Variants in SEPTIN12 observed in about 807,000 individuals in gnomAD.
SEPTIN12 encodes septin 12, also known as septin-12.
In SEPTIN12, 42 loss-of-function variants were observed where a neutral mutation model predicts 37.7. The observed-to-expected ratio is 1.11, with a 90% CI of 0.87 to 1.44. The LOEUF (loss-of-function observed/expected upper bound fraction) is 1.44. SEPTIN12 is among the 40% of genes most tolerant of loss of function. The pLI, the probability that SEPTIN12 is intolerant of heterozygous loss-of-function variation, is 0.00. For missense variants in SEPTIN12, 613 were observed against 479.2 expected (o/e 1.28, Z -2.61); for synonymous variants, 254 against 196.7 (o/e 1.29, Z -2.44).
chr16:4,786,005 C>T lies in SEPTIN12; in HGVS notation c.267G>A (p.Thr89=), dbSNP rs775778673. The change falls in exon 3 of 10, where the codon ACG becomes ACA. Residue 89 remains threonine (T), a synonymous_variant. Transcript: ENST00000268231. The part of the protein sequence containing the change: ...PPGLGVPTPQ[T]LQLHSLTHVI... ...CATGGGTCAGTGAATGCAGCTGCAGCGTCTGGGGTGTGGGCACCCCCAAGC... is the reference window on the plus strand; with the variant it reads ...CATGGGTCAGTGAATGCAGCTGCAGTGTCTGGGGTGTGGGCACCCCCAAGC... 1.4e-5 allele frequency: 23 copies of T among 1,613,336 alleles called. No individual in the cohort carries two copies. The highest frequency in any genetic ancestry group is 1.2e-4 in the African/African-American group (9 of 74,822).
intron 4 of SEPTIN12, among the ~76,000 whole-genome samples, chr16:4,784,769 CTAAATAAA>C (rs55943515): frequency 0.014 from 1,916 of 136,264 alleles, 48 homozygotes; most frequent in Admixed American, 0.084. Context: ...GACACTGTCT[CTAAATAAA>C]TAAATAAATA....
intron 1 of SEPTIN12, chr16:4,787,949 TC>T: frequency 3.2e-6 from 1 of 311,728 alleles, no homozygotes; most frequent in Non-Finnish European, 6.0e-6. Flanking sequence ...TCAGGTCGCT[TC>T]CCCCAGCAGA....
In SEPTIN12 at chr16:4,777,956, GT is replaced by G; in HGVS notation, c.917del (p.His306ProfsTer23). 1 of 1,610,926 alleles carries G rather than the reference GT, an allele frequency of 6.2e-7. No homozygotes were observed. Among genetic ancestry groups the G allele is most frequent in the East Asian group, 2.2e-5 (1 of 44,774 alleles). On this transcript the variant is annotated frameshift_variant, in exon 10 of 10. Transcript: ENST00000268231. LOFTEE classifies it low-confidence loss of function (END_TRUNC). The part of the protein sequence containing the change: ...QDLKDITHNI[H>X]YENYRVIRLN... ...GTCTGATGACGCGGTAGTTCTCATA[GT>G]GGATGTTGTGGGTTATGTCCTTCAG... is the stretch of plus-strand genomic sequence containing the variant.
chr16:4,790,374 C>T (rs1048299406), upstream of SEPTIN12, among the ~76,000 whole-genome samples: 5 of 152,194 alleles, frequency 3.3e-5, no homozygotes, highest in Non-Finnish European at 5.9e-5. Context: ...GAAAGGTGGC[C>T]GTGGTTCCAG....
Position 4,783,673 on chromosome 16 carries a change from C to T in SEPTIN12, c.606G>A (p.Glu202=). The T allele has an allele frequency of 1.2e-6, 2 of 1,614,128 alleles. No individual in the cohort carries two copies. The highest frequency in any genetic ancestry group is 8.5e-7 in the Non-Finnish European group (1 of 1,180,020). The change falls in exon 6 of 10, where the codon GAG becomes GAA. Residue 202 remains glutamate, a synonymous_variant. Transcript: ENST00000268231. The stretch of plus-strand genomic sequence containing the variant: ...CCCTGCGCCTGAAGGCCTCTCGCTC[C>T]TCCATGGTCAGGCTGTCGGCCCTGG... The part of the protein sequence containing the change: ...VIARADSLTM[E]EREAFRRRIQ...
chr16:4,780,491 A>G (rs1160504385), intron 7 of SEPTIN12, among the ~76,000 whole-genome samples: 2 of 152,158 alleles, frequency 1.3e-5, no homozygotes, highest in East Asian at 3.9e-4. Context: ...TTGAATCATC[A>G]CAACAGAGAC....
At position 4,784,081 on chromosome 16, in the gene SEPTIN12, G is replaced by A. The variant is rs770710670; in HGVS notation, c.375-13C>T. The A allele has an allele frequency of 1.9e-5, 30 of 1,613,690 alleles. No homozygotes were observed. The highest frequency in any genetic ancestry group is 1.6e-4 in the Middle Eastern group (1 of 6,080). On this transcript the variant is annotated splice_polypyrimidine_tract_variant and intron_variant, in intron 4 of 9. Coordinates refer to ENST00000268231, the MANE Select transcript of SEPTIN12 (RefSeq NM_144605.5). ...GATGGGGTCCCAGCTGAGGCGGGAG[G>A]TGGACCCTCCCCTCAGAACTGTGCT...
chr16:4,782,691 C>A (rs1286946573), intron 7 of SEPTIN12, among the ~76,000 whole-genome samples: 1 of 151,186 alleles, frequency 6.6e-6, no homozygotes, highest in Non-Finnish European at 1.5e-5. Context: ...GTAACCTCCA[C>A]CTCCAAGATT....
chr16:4,786,612 C>T (rs2085331), intron 2 of SEPTIN12, among the ~76,000 whole-genome samples: 6,628 of 152,130 alleles, frequency 0.044, 394 homozygotes, highest in African/African-American at 0.14. Flanking sequence ...GCCTCAGCCT[C>T]CCAAAGTGCT....
In SEPTIN12 at chr16:4,777,839, C is replaced by T. The variant is rs1260370658; in HGVS notation, c.1035G>A (p.Lys345=). 4 of 1,592,434 alleles carry T rather than the reference C, an allele frequency of 2.5e-6. No homozygotes were observed. In the South Asian group the frequency reaches 3.4e-5, roughly 14 times the overall value. ...AATCGTCATGGGCCCCCCTGCAGAC[C>T]TTGAAGGTCCGGGGGGTGGTCAGCT... ...PGQLTTPRTF[K]VCRGAHDDSD... is the part of the protein sequence containing the mutation. Residue 345 remains lysine, a synonymous_variant, in exon 10 of 10, where the codon AAG becomes AAA. Coordinates refer to ENST00000268231, the MANE Select transcript of SEPTIN12 (RefSeq NM_144605.5).
upstream of SEPTIN12, among the ~76,000 whole-genome samples, chr16:4,790,288 G>T (rs2082531909): frequency 6.6e-6 from 1 of 152,166 alleles, no homozygotes; most frequent in African/African-American, 2.4e-5. Flanking sequence ...ACTTTTCATT[G>T]CAGTGAGAAA....
In SEPTIN12 at chr16:4,779,685, C is replaced by G. The variant is rs2082351570; in HGVS notation, c.823+5G>C. 1 of 1,601,594 alleles carries G rather than the reference C, an allele frequency of 6.2e-7. No homozygotes were observed. The highest frequency in any genetic ancestry group is 8.6e-7 in the Non-Finnish European group (1 of 1,168,758). ...CTGCATCCTACCCAGGGGCCCCGCA[C>G]TGACCTTCAATGATGCCCCACTTGG... On this transcript the variant is annotated splice_donor_5th_base_variant and intron_variant, in intron 8 of 9. Transcript: ENST00000268231.
Position 4,787,543 on chromosome 16 carries a change from C to T in SEPTIN12, c.103G>A (p.Val35Met). Residue 35 changes from valine to methionine, a missense_variant, in exon 2 of 10, where the codon GTG (valine) becomes ATG (methionine). Physicochemically the swap from Val to Met is conservative, Grantham distance 21 (BLOSUM62 1). Transcript: ENST00000268231. Reference protein sequence around the residue: ...EMLGPVGIEAVLDQLKIKAMK... With the variant: ...EMLGPVGIEAMLDQLKIKAMK... ...GCCTTGATCTTCAGCTGGTCCAGCA[C>T]AGCCTCAATGCCCACAGGACCAAGC... The T allele has an allele frequency of 2.5e-6, 4 of 1,612,684 alleles. No individual in the cohort carries two copies. The highest frequency in any genetic ancestry group is 1.1e-5 in the South Asian group (1 of 91,084).
intron 1 of SEPTIN12, 83 bp downstream of exon 1, chr16:4,788,197 T>C (rs28503541): frequency 0.31 from 48,365 of 154,938 alleles, 7,835 homozygotes; most frequent in South Asian, 0.41. Context: ...GAGACCAAGG[T>C]CAGGCAGGGA....
intron 5 of SEPTIN12, 77 bp from the exon 6 acceptor site, chr16:4,783,843 G>T: frequency 6.2e-7 from 1 of 1,601,272 alleles, no homozygotes; most frequent in Non-Finnish European, 8.5e-7. Context: ...ACGGGGGTGG[G>T]GGCAGCCGGC....
chr16:4,787,449 T>C (rs931733151), intron 2 of SEPTIN12, 31 bp downstream of exon 2: 12 of 1,606,292 alleles, frequency 7.5e-6, no homozygotes, highest in Non-Finnish European at 1.0e-5. Context: ...ACTGTGGGTC[T>C]GTCCTGCCGT....
At chr16:4,780,784 G>C (rs141969287) in intron 7 of SEPTIN12, among the ~76,000 whole-genome samples, 2 of 152,318 alleles carry the variant, frequency 1.3e-5, no homozygotes, top group Non-Finnish European at 2.9e-5. Flanking sequence ...TTCAAGACCA[G>C]CCTGGTCAAC....
intron 7 of SEPTIN12, among the ~76,000 whole-genome samples, chr16:4,781,121 T>A (rs1273612632): frequency 1.3e-5 from 2 of 151,618 alleles, no homozygotes; most frequent in Non-Finnish European, 2.9e-5. Flanking sequence ...TAGCCAGGCG[T>A]GGTATTGTGC....
Position 4,785,842 on chromosome 16 carries a change from C to G in SEPTIN12, c.339G>C (p.Thr113=). 1 of 1,606,832 alleles carries G rather than the reference C, an allele frequency of 6.2e-7. No homozygotes were observed. The highest frequency in any genetic ancestry group is 8.5e-7 in the Non-Finnish European group (1 of 1,176,810). The change falls in exon 4 of 10, where the codon ACG becomes ACC. Residue 113 remains threonine, a synonymous_variant. Coordinates refer to ENST00000268231, the MANE Select transcript of SEPTIN12 (RefSeq NM_144605.5). The part of the protein sequence containing the change: ...GVKLKLTVTD[T]PGFGDQINND... Reference sequence around the variant, plus strand: ...TGTTGATCTGGTCCCCGAAGCCGGGCGTGTCCGTCACCGTCAGCTTCAGCT... The same window carrying G: ...TGTTGATCTGGTCCCCGAAGCCGGGGGTGTCCGTCACCGTCAGCTTCAGCT...
Sources: allele counts gnomAD v4.1 joint callset (sites outside exome capture counted in the v4.1 genomes callset), GRCh38; gene constraint gnomAD v4.1.1; transcripts MANE v1.5; gene names NCBI Gene and HGNC (gene_info 2026-07-23, HGNC 2026-07-21).